Variants in TRIM2 observed in about 807,000 individuals in gnomAD.
The protein encoded by TRIM2 is tripartite motif-containing protein 2.
A neutral mutation model predicts 75.2 loss-of-function variants in TRIM2; 20 were observed. That is an observed-to-expected ratio of 0.27 (90% CI 0.19 to 0.39). The LOEUF is 0.39. Ranked by LOEUF, TRIM2 falls within the 10% of genes least tolerant of loss-of-function variation. The pLI, the probability that TRIM2 is intolerant of heterozygous loss-of-function variation, is 1.00. For missense variants in TRIM2, 660 were observed against 990.8 expected, an observed-to-expected ratio of 0.67 and a Z score of 4.48; for synonymous variants, 373 against 388.3, an observed-to-expected ratio of 0.96 and a Z score of 0.46.
intron 6 of TRIM2, among the ~76,000 whole-genome samples, chr4:153,307,564 T>C (rs774498382): frequency 3.3e-5 from 5 of 152,222 alleles, no homozygotes; most frequent in Non-Finnish European, 7.3e-5. Context: ...CCTTGGAATG[T>C]TCATTTCTTT....
At chr4:153,266,638 AC>A (rs1425979636) in intron 1 of TRIM2, among the ~76,000 whole-genome samples, 3 of 120,846 alleles carry the variant, frequency 2.5e-5, no homozygotes, top group South Asian at 2.4e-4. Flanking sequence ...ACTGTGCCCG[AC>A]CTTTTTTTTT....
At chr4:153,300,907 G>T (rs1372446813) in intron 6 of TRIM2, among the ~76,000 whole-genome samples, 2 of 151,578 alleles carry the variant, frequency 1.3e-5, no homozygotes, top group Admixed American at 1.3e-4. Context: ...AATAGACATG[G>T]GGGCCGGGCA....
At chr4:153,304,463 G>A (rs536874386) in intron 6 of TRIM2, among the ~76,000 whole-genome samples, 21 of 152,202 alleles carry the variant, frequency 1.4e-4, no homozygotes, top group South Asian at 1.0e-3. Context: ...GAAATAATTT[G>A]TCAGATGGAA....
At chr4:153,161,617 GT>G (rs1729747770) in intron 1 of TRIM2, among the ~76,000 whole-genome samples, 2 of 152,220 alleles carry the variant, frequency 1.3e-5, no homozygotes, top group Non-Finnish European at 2.9e-5. Context: ...TCCCTGCTTA[GT>G]GAGTGCTTCG....
At chr4:153,197,023 A>G (rs1341311673) in intron 1 of TRIM2, among the ~76,000 whole-genome samples, 1 of 152,238 alleles carries the variant, frequency 6.6e-6, no homozygotes, top group Non-Finnish European at 1.5e-5. Context: ...TAGGAGGCTT[A>G]TAGAAAACCC....
intron 6 of TRIM2, among the ~76,000 whole-genome samples, chr4:153,311,349 T>C (rs2150221105): frequency 6.6e-6 from 1 of 151,220 alleles, no homozygotes; most frequent in South Asian, 2.1e-4. Flanking sequence ...TTTTCTCTGT[T>C]TTTTTTTCTT....
intron 1 of TRIM2, among the ~76,000 whole-genome samples, chr4:153,259,267 A>G (rs142536624): frequency 6.6e-6 from 1 of 152,170 alleles, no homozygotes; most frequent in Admixed American, 6.5e-5. Context: ...CAAAAGCTTC[A>G]TGGATTTTGT....
intron 6 of TRIM2, chr4:153,307,724 G>C (rs1765326773): frequency 1.7e-6 from 1 of 599,534 alleles, no homozygotes; most frequent in African/African-American, 1.8e-5. Flanking sequence ...TGGAAGCATG[G>C]GGAGCACCAT....
At chr4:153,265,957 A>T (rs1754924636) in intron 1 of TRIM2, among the ~76,000 whole-genome samples, 1 of 152,116 alleles carries the variant, frequency 6.6e-6, no homozygotes, top group South Asian at 2.1e-4. Context: ...GTCTGATGTC[A>T]TAGGGATGTG....
chr4:153,181,613 G>C (rs1303331060), intron 1 of TRIM2, among the ~76,000 whole-genome samples: 1 of 152,174 alleles, frequency 6.6e-6, no homozygotes, highest in Non-Finnish European at 1.5e-5. Context: ...CGCCAGGGAT[G>C]AGATGTATGT....
intron 1 of TRIM2, among the ~76,000 whole-genome samples, chr4:153,168,772 C>A (rs1730559658): frequency 6.6e-6 from 1 of 151,666 alleles, no homozygotes; most frequent in African/African-American, 2.4e-5. Flanking sequence ...TTGTATATAG[C>A]AGTTGGTTTA....
intron 1 of TRIM2, among the ~76,000 whole-genome samples, chr4:153,173,694 G>A (rs1054390516): frequency 4.1e-5 from 6 of 147,178 alleles, no homozygotes; most frequent in Admixed American, 1.4e-4. Flanking sequence ...AAGGCCGGAC[G>A]TGGTGGCTCA....
At chr4:153,294,564 C>CA in intron 5 of TRIM2, 79 bp downstream of exon 5, 1 of 1,431,546 alleles carries the variant, frequency 7.0e-7, no homozygotes, top group Non-Finnish European at 9.6e-7. Context: ...CTAATAGCAA[C>CA]AAGGGGTCCT....
rs113199796 is a variant in TRIM2 at position 153,245,592 on chromosome 4, T to G, written c.31-24743T>G. On this transcript the variant is annotated intron_variant, in intron 1 of 11. Transcript: ENST00000338700. Reference sequence around the variant, plus strand: ...ATAATATTCTGTGACATGAGAAAATTATTTCAAGTTTCAGTGTTTATAAAT... The same window carrying G: ...ATAATATTCTGTGACATGAGAAAATGATTTCAAGTTTCAGTGTTTATAAAT... Among the ~76,000 whole-genome samples the G allele has an allele frequency of 5.7e-3, 868 of 152,372 alleles. 11 individuals are homozygous for G. Among genetic ancestry groups the G allele is most frequent in the African/African-American group, 0.019 (802 of 41,588 alleles).
chr4:153,314,019 G>A (rs529329567), intron 6 of TRIM2, among the ~76,000 whole-genome samples: 1 of 151,968 alleles, frequency 6.6e-6, no homozygotes, highest in South Asian at 2.1e-4. Flanking sequence ...CTTCCTTCCT[G>A]GTCATTTTTG....
chr4:153,322,735 T>C lies in TRIM2; in HGVS notation c.1870T>C (p.Cys624Arg). ...CATTATTGTTGTGGACAACAAGGCG[T>C]GCTGCGTGTTTATCTTCCAGCCAAA... ...GHIIVVDNKA[C>R]CVFIFQPNGK... Residue 624 changes from cysteine to arginine, a missense_variant, in exon 9 of 12, where the codon TGC becomes CGC. Cys to Arg is a radical substitution (Grantham distance 180). Around this residue, in one of 2 missense-constraint regions of TRIM2, gnomAD observed 620 missense variants for 891.0 expected, o/e 0.70. Coordinates refer to ENST00000338700, the MANE Select transcript of TRIM2 (RefSeq NM_015271.5). 6.2e-7 allele frequency: 1 copy of C among 1,614,240 alleles called. No homozygotes were observed. The highest frequency in any genetic ancestry group is 8.5e-7 in the Non-Finnish European group (1 of 1,180,040).
intron 1 of TRIM2, among the ~76,000 whole-genome samples, chr4:153,259,674 A>G (rs1226195706): frequency 6.6e-6 from 1 of 152,178 alleles, no homozygotes; most frequent in African/African-American, 2.4e-5. Flanking sequence ...CTCTGGTGCC[A>G]TCTCTGTCCC....
rs77136985 is a variant in TRIM2 at position 153,290,460 on chromosome 4, T to C, written c.454-2522T>C. Among the ~76,000 whole-genome samples, 1,422 of 152,314 alleles carry C rather than the reference T, an allele frequency of 9.3e-3. 10 individuals carry two copies. The highest frequency in any genetic ancestry group is 0.015 in the Non-Finnish European group (997 of 68,018). On this transcript the variant is annotated intron_variant, in intron 3 of 11. Coordinates refer to ENST00000338700, the MANE Select transcript of TRIM2 (RefSeq NM_015271.5). ...CTTGGAAGTACCCCTTAGCTCATATTGCCCCTCAGCGAATAATTATTGAAC... is the reference window on the plus strand; with the variant it reads ...CTTGGAAGTACCCCTTAGCTCATATCGCCCCTCAGCGAATAATTATTGAAC...
At chr4:153,241,308 C>T (rs1560867172) in intron 1 of TRIM2, among the ~76,000 whole-genome samples, 1 of 152,204 alleles carries the variant, frequency 6.6e-6, no homozygotes, top group African/African-American at 2.4e-5. Context: ...AATGTCTAGG[C>T]AGGCTGGACA....
Sources: gnomAD v4.1 joint callset for allele counts (sites outside exome capture counted in the v4.1 genomes callset) on GRCh38, gnomAD v4.1.1 for gene constraint, gnomAD v4.1.1 regional missense constraint, MANE v1.5 for transcripts, NCBI Gene and HGNC (gene_info 2026-07-23, HGNC 2026-07-21) for gene names.